The following CDH18 variants were observed in gnomAD, a reference collection of about 807,000 sequenced individuals.
CDH18 encodes cadherin 18, also known as cadherin-18.
In CDH18, 31 loss-of-function variants were observed where a neutral mutation model predicts 67.9. That is an observed-to-expected ratio of 0.46 (90% CI 0.34 to 0.62). The LOEUF is 0.62. Among genes scored for constraint, CDH18 ranks in the 20% least tolerant of loss-of-function variants. The pLI is 0.01. For missense variants in CDH18, 890 were observed against 975.5 expected (o/e 0.91, Z 1.17); for synonymous variants, 362 against 347.2 (o/e 1.04, Z -0.48).
At chr5:19,621,253 C>T (rs901366203) in intron 5 of CDH18, among the ~76,000 whole-genome samples, 2 of 134,430 alleles carry the variant, frequency 1.5e-5, no homozygotes, top group African/African-American at 5.6e-5. Context: ...ATTGATGTTT[C>T]TGGATCATAA....
At chr5:19,670,300 A>T (rs574469152) in intron 5 of CDH18, among the ~76,000 whole-genome samples, 1 of 152,184 alleles carries the variant, frequency 6.6e-6, no homozygotes, top group African/African-American at 2.4e-5. Flanking sequence ...TGTGGTTTTC[A>T]TATGAAAATT....
chr5:20,336,596 G>A (rs367586157), intron 1 of CDH18, among the ~76,000 whole-genome samples: 27 of 151,508 alleles, frequency 1.8e-4, no homozygotes, highest in African/African-American at 4.1e-4. Flanking sequence ...GGTGGCCAGC[G>A]CCTGTAGTTC....
At chr5:20,236,841 T>C (rs536688183) in intron 2 of CDH18, among the ~76,000 whole-genome samples, 134 of 152,084 alleles carry the variant, frequency 8.8e-4, no homozygotes, top group Non-Finnish European at 1.6e-3. Context: ...GAGACAGGTA[T>C]TACCTTGACA....
chr5:20,272,172 G>A (rs992984341), intron 1 of CDH18, among the ~76,000 whole-genome samples: 1 of 152,048 alleles, frequency 6.6e-6, no homozygotes, highest in Non-Finnish European at 1.5e-5. Flanking sequence ...AGAGGAAGAA[G>A]TGGACTTAAA....
intron 2 of CDH18, among the ~76,000 whole-genome samples, chr5:20,209,744 A>G (rs936511583): frequency 6.6e-6 from 1 of 151,962 alleles, no homozygotes; most frequent in East Asian, 1.9e-4. Flanking sequence ...AACAGCTATA[A>G]GACAATAACG....
rs1581003336 is a variant in CDH18, at chr5:19,711,163, ACT to A, written c.643+10182_643+10183del. Reference sequence around the variant, plus strand: ...AATACTAGAAGAAAACCTGGGACAAACTCATCTAGACATTGGCTCAGGCAAAT... The same window carrying A: ...AATACTAGAAGAAAACCTGGGACAAACATCTAGACATTGGCTCAGGCAAAT... On this transcript the variant is annotated intron_variant, in intron 5 of 12. Transcript: ENST00000382275. Among the ~76,000 whole-genome samples the A allele has an allele frequency of 2.0e-5, 3 of 152,156 alleles. No individual in the cohort carries two copies. The East Asian group carries it at 5.8e-4, about 29-fold the overall frequency.
intron 2 of CDH18, among the ~76,000 whole-genome samples, chr5:19,971,750 G>C (rs1798038815): frequency 6.6e-6 from 1 of 151,744 alleles, no homozygotes; most frequent in Non-Finnish European, 1.5e-5. Flanking sequence ...TGAGTACTAT[G>C]CTTAATACCT....
intron 1 of CDH18, among the ~76,000 whole-genome samples, chr5:20,298,505 T>C (rs1477573380): frequency 1.3e-5 from 2 of 152,270 alleles, no homozygotes; most frequent in East Asian, 3.9e-4. Context: ...AATTAACTCA[T>C]TGAGAATAAT....
intron 1 of CDH18, among the ~76,000 whole-genome samples, chr5:20,320,555 C>G (rs946421234): frequency 2.6e-5 from 4 of 152,156 alleles, no homozygotes; most frequent in Admixed American, 2.0e-4. Context: ...CACTCTCTTT[C>G]TAAAATAGCT....
At chr5:19,712,075 T>C (rs1394636065) in intron 5 of CDH18, among the ~76,000 whole-genome samples, 2 of 152,020 alleles carry the variant, frequency 1.3e-5, no homozygotes, top group Non-Finnish European at 2.9e-5. Flanking sequence ...AAATCCTACA[T>C]ATTTTCTCTT....
intron 3 of CDH18, among the ~76,000 whole-genome samples, chr5:19,829,957 T>C (rs62355792): frequency 0.081 from 12,393 of 152,212 alleles, 520 homozygotes; most frequent in African/African-American, 0.1. Flanking sequence ...CGCTATTCAA[T>C]AAATAATGCT....
chr5:20,311,870 A>G lies in CDH18; in HGVS notation c.-579-56365T>C, dbSNP rs534422998. Among the ~76,000 whole-genome samples the G allele has an allele frequency of 2.0e-4, 31 of 151,716 alleles. 1 individual carries two copies. In the South Asian group the frequency reaches 4.6e-3, roughly 22 times the overall value. ...ACTATTTTTAACATTTTGAAAAAAC[A>G]AAAAAGCCTTTCACCAGTCTCACAT... is the stretch of plus-strand genomic sequence containing the variant. On this transcript the variant is annotated intron_variant, in intron 1 of 14. Transcript: ENST00000507958.
chr5:19,655,654 C>T (rs1004334271), intron 5 of CDH18, among the ~76,000 whole-genome samples: 1 of 152,138 alleles, frequency 6.6e-6, no homozygotes, highest in African/African-American at 2.4e-5. Flanking sequence ...ATATGTCACA[C>T]TAATTAAGTG....
chr5:20,292,480 C>G (rs1433993460), intron 1 of CDH18, among the ~76,000 whole-genome samples: 2 of 152,102 alleles, frequency 1.3e-5, no homozygotes, highest in Non-Finnish European at 2.9e-5. Context: ...TTTTGAAGGG[C>G]TCTGTGTGTT....
chr5:19,917,347 C>T (rs1244284358), intron 2 of CDH18, among the ~76,000 whole-genome samples: 2 of 149,328 alleles, frequency 1.3e-5, no homozygotes, highest in African/African-American at 5.0e-5. Flanking sequence ...CCCCCCCCGC[C>T]CCCTTTTTTT....
intron 2 of CDH18, among the ~76,000 whole-genome samples, chr5:20,095,167 C>T (rs2150566493): frequency 6.6e-6 from 1 of 151,526 alleles, no homozygotes; most frequent in East Asian, 2.0e-4. Flanking sequence ...GGATGAGGGG[C>T]AAGGGAGGGA....
intron 1 of CDH18, among the ~76,000 whole-genome samples, chr5:20,368,481 G>A (rs935891132): frequency 6.6e-6 from 1 of 152,104 alleles, no homozygotes; most frequent in Admixed American, 6.6e-5. Context: ...GGAGTAGACA[G>A]AAAAAGCTTT....
At chr5:20,062,418 T>C (rs1026548699) in intron 2 of CDH18, among the ~76,000 whole-genome samples, 2 of 152,038 alleles carry the variant, frequency 1.3e-5, no homozygotes, top group Non-Finnish European at 2.9e-5. Flanking sequence ...CCTCCCAAAG[T>C]GCTGGATGGA....
chr5:19,855,284 A>G (rs760135298), intron 2 of CDH18, among the ~76,000 whole-genome samples: 10 of 152,138 alleles, frequency 6.6e-5, no homozygotes, highest in Non-Finnish European at 1.0e-4. Context: ...ACAGACTTTC[A>G]GAGCTGGGAA....
Sources: gnomAD v4.1 joint callset for allele counts (sites outside exome capture counted in the v4.1 genomes callset) on GRCh38, gnomAD v4.1.1 for gene constraint, MANE v1.5 for transcripts, NCBI Gene and HGNC (gene_info 2026-07-23, HGNC 2026-07-21) for gene names.